RPA1: variants seen among roughly 807,000 people sequenced by gnomAD.
RPA1 encodes the protein replication protein A 70 kDa DNA-binding subunit.
RPA1 carries 49 observed loss-of-function variants against 83.0 expected under a neutral mutation model. The ratio of observed to expected loss-of-function variants is 0.59; its 90% CI spans 0.47 to 0.75. The LOEUF is 0.75. Among genes scored for constraint, RPA1 ranks in the 30% least tolerant of loss-of-function variants. The probability of loss-of-function intolerance (pLI) is 0.00; values close to 1 mark genes in which losing one functional copy is unlikely to be tolerated. For synonymous variants in RPA1, 279 were observed against 281.8 expected (o/e 0.99, Z 0.10); for missense variants, 693 against 776.1 (o/e 0.89, Z 1.27).
Position 1,897,338 on chromosome 17 carries a change from GC to G in RPA1, c.*164del. The G allele has an allele frequency of 1.7e-6, 1 of 597,304 alleles. No individual in the cohort carries two copies. The highest frequency in any genetic ancestry group is 2.9e-6 in the Non-Finnish European group (1 of 341,124). The allele number at this position is 597,304 out of a possible 1,614,324, so 37.0% of individuals were successfully genotyped here. ...TGCGCATCTCAGAACCCATCGGTAG[GC>G]AAAGGAAAATACGCTCAGGTGGTTG... is the stretch of plus-strand genomic sequence containing the variant. On this transcript the variant is annotated 3_prime_UTR_variant, in exon 17 of 17. Coordinates refer to ENST00000254719, the MANE Select transcript of RPA1 (RefSeq NM_002945.5).
intron 15 of RPA1, among the ~76,000 whole-genome samples, chr17:1,892,587 A>G (rs1914244637): frequency 6.6e-6 from 1 of 152,188 alleles, no homozygotes; most frequent in Admixed American, 6.5e-5. Context: ...AAACAACCTG[A>G]ATTATTACAG....
rs546414911 is a variant in RPA1, at chr17:1,885,931, A to G, written c.1374+1987A>G. Among the ~76,000 whole-genome samples the G allele has an allele frequency of 8.5e-5, 13 of 152,378 alleles. No individual in the cohort carries two copies. The East Asian group carries it at 2.3e-3, about 27-fold the overall frequency. ...TGTTGTTATCAAGCATGAAAACAATATTAATCTCCTTGTTCTGTGCATCTC... is the reference window on the plus strand; with the variant it reads ...TGTTGTTATCAAGCATGAAAACAATGTTAATCTCCTTGTTCTGTGCATCTC... On this transcript the variant is annotated intron_variant, in intron 13 of 16. Transcript: ENST00000254719.
At chr17:1,858,042 C>T in intron 5 of RPA1, 2 of 1,612,346 alleles carry the variant, frequency 1.2e-6, no homozygotes, top group Non-Finnish European at 1.7e-6. Flanking sequence ...CCTTTCTTCA[C>T]ATGGCTGCCA....
intron 1 of RPA1, among the ~76,000 whole-genome samples, chr17:1,832,375 C>G (rs1911652603): frequency 6.6e-6 from 1 of 151,988 alleles, no homozygotes; most frequent in Non-Finnish European, 1.5e-5. Flanking sequence ...TGTTCATTCA[C>G]TTATTGAATT....
chr17:1,893,273 T>C (rs1268144612), intron 15 of RPA1, among the ~76,000 whole-genome samples: 1 of 152,256 alleles, frequency 6.6e-6, no homozygotes, highest in African/African-American at 2.4e-5. Flanking sequence ...GAGCTTATTA[T>C]ATTTGACTGT....
chr17:1,874,994 A>AACTC (rs1228690705), intron 6 of RPA1, among the ~76,000 whole-genome samples: 17 of 152,346 alleles, frequency 1.1e-4, no homozygotes, highest in African/African-American at 3.8e-4. Flanking sequence ...CGTATAAAAG[A>AACTC]ACTCACCTGA....
intron 1 of RPA1, among the ~76,000 whole-genome samples, chr17:1,835,241 T>TG (rs1911768749): frequency 6.6e-6 from 1 of 152,072 alleles, no homozygotes; most frequent in African/African-American, 2.4e-5. Flanking sequence ...CTCCAACTCC[T>TG]GGGCTCAAGT....
At chr17:1,876,288 C>G (rs930025100) in intron 7 of RPA1, among the ~76,000 whole-genome samples, 4 of 152,222 alleles carry the variant, frequency 2.6e-5, no homozygotes, top group African/African-American at 9.6e-5. Flanking sequence ...GGCGCGGTGG[C>G]TCATGCCCGT....
chr17:1,889,776 C>T lies in RPA1; in HGVS notation c.1551+925C>T, dbSNP rs17339116. On this transcript the variant is annotated intron_variant, in intron 14 of 16. Coordinates refer to ENST00000254719, the MANE Select transcript of RPA1 (RefSeq NM_002945.5). ...GCACTTTGGGAGGCCGAGGCGGGTG[C>T]GTCACCTGAGATCAGGAGTTTGAGA... Among the ~76,000 whole-genome samples, 39 of 151,238 alleles carry T rather than the reference C, an allele frequency of 2.6e-4. No individual in the cohort carries two copies. In the East Asian group the frequency reaches 6.1e-3, roughly 24 times the overall value.
At chr17:1,834,825 CAT>C (rs1911751779) in intron 1 of RPA1, among the ~76,000 whole-genome samples, 1 of 152,052 alleles carries the variant, frequency 6.6e-6, no homozygotes, top group African/African-American at 2.4e-5. Context: ...GATTTGAACA[CAT>C]GTGCCCTTGA....
At position 1,897,989 on chromosome 17, in the gene RPA1, A is replaced by C. The variant is rs1914509582; in HGVS notation, c.*814A>C. 1 of 152,158 alleles carries C rather than the reference A, an allele frequency of 6.6e-6. No individual in the cohort carries two copies. Among genetic ancestry groups the C allele is most frequent in the Non-Finnish European group, 1.5e-5 (1 of 68,024 alleles). The allele number at this position is 152,158 out of a possible 1,614,324, so 9.4% of individuals were successfully genotyped here. A position where few individuals can be genotyped will look rare whatever the true frequency, so the allele number is the denominator to read the frequency against. On this transcript the variant is annotated 3_prime_UTR_variant, in exon 17 of 17. Coordinates refer to ENST00000254719, the MANE Select transcript of RPA1 (RefSeq NM_002945.5). ...TCATGTATTTTGTTTTTTTTGACTA[A>C]AGCTATGTTACATGGAAAGGATTTT...
intron 1 of RPA1, among the ~76,000 whole-genome samples, chr17:1,842,012 C>G (rs1912064755): frequency 6.6e-6 from 1 of 151,894 alleles, no homozygotes; most frequent in African/African-American, 2.4e-5. Context: ...ATTTGATTTG[C>G]TATTATTTTG....
At chr17:1,879,158 G>A (rs1176752432) in intron 9 of RPA1, 57 bp from the exon 10 acceptor site, 52 of 1,609,152 alleles carry the variant, frequency 3.2e-5, no homozygotes, top group Admixed American at 8.4e-5. Context: ...GGCAGACTAG[G>A]GGTTTCTGTC....
At chr17:1,864,709 G>T (rs1044905137) in intron 5 of RPA1, among the ~76,000 whole-genome samples, 3 of 151,842 alleles carry the variant, frequency 2.0e-5, no homozygotes, top group African/African-American at 7.3e-5. Flanking sequence ...GACCAGCCTG[G>T]CCAACATGGT....
At chr17:1,833,784 A>G (rs1001548102) in intron 1 of RPA1, among the ~76,000 whole-genome samples, 3 of 151,508 alleles carry the variant, frequency 2.0e-5, no homozygotes, top group African/African-American at 7.3e-5. Context: ...AACCCGGGAG[A>G]TAGAGGTTCC....
At chr17:1,870,205 T>C (rs1173405697) in intron 5 of RPA1, among the ~76,000 whole-genome samples, 1 of 152,160 alleles carries the variant, frequency 6.6e-6, no homozygotes, top group Non-Finnish European at 1.5e-5. Flanking sequence ...GTACCTGCAC[T>C]CTCCTGAATG....
chr17:1,875,909 G>T, intron 7 of RPA1, 116 bp downstream of exon 7: 222 of 812,710 alleles, frequency 2.7e-4, no homozygotes, highest in Non-Finnish European at 3.3e-4. Flanking sequence ...CCACCAAATA[G>T]AATGGGTTTA....
At chr17:1,855,525 A>G (rs185067566) in intron 5 of RPA1, among the ~76,000 whole-genome samples, 25 of 152,298 alleles carry the variant, frequency 1.6e-4, no homozygotes, top group Non-Finnish European at 3.1e-4. Context: ...TCTCTGGGAT[A>G]AGTCTATGTC....
chr17:1,875,023 C>T (rs747291304), intron 6 of RPA1, among the ~76,000 whole-genome samples: 1 of 152,216 alleles, frequency 6.6e-6, no homozygotes, highest in East Asian at 1.9e-4. Flanking sequence ...TCTTTCCCAG[C>T]GCAGGGCAGC....
Sources: allele counts gnomAD v4.1 joint callset (sites outside exome capture counted in the v4.1 genomes callset), GRCh38; gene constraint gnomAD v4.1.1; transcripts MANE v1.5; gene names NCBI Gene and HGNC (gene_info 2026-07-23, HGNC 2026-07-21).